SAMD12: variants seen among roughly 807,000 people sequenced by gnomAD.
The protein encoded by SAMD12 is sterile alpha motif domain containing 12.
In SAMD12, 9 loss-of-function variants were observed where a neutral mutation model predicts 15.0. That is an observed-to-expected ratio of 0.60 (90% CI 0.36 to 1.05). The LOEUF is 1.05. Among genes scored for constraint, SAMD12 ranks in the 50% least tolerant of loss-of-function variants. SAMD12 has a pLI of 0.01. For synonymous variants in SAMD12, 86 were observed against 90.1 expected, an observed-to-expected ratio of 0.96 and a Z score of 0.25; for missense variants, 230 against 234.2, an observed-to-expected ratio of 0.98 and a Z score of 0.12.
intron 2 of SAMD12, among the ~76,000 whole-genome samples, chr8:118,457,220 CTCTTT>C (rs976023421): frequency 9.3e-6 from 1 of 107,546 alleles, no homozygotes; most frequent in Non-Finnish European, 2.2e-5. Flanking sequence ...CTCTCTCTCT[CTCTTT>C]TTTTTTTTTT....
At chr8:118,459,587 A>G (rs1823356404) in intron 2 of SAMD12, among the ~76,000 whole-genome samples, 2 of 152,204 alleles carry the variant, frequency 1.3e-5, no homozygotes, top group Non-Finnish European at 2.9e-5. Flanking sequence ...ACTTAAAACA[A>G]GCAATTACTA....
chr8:118,374,750 G>A (rs1021835291), downstream of SAMD12, among the ~76,000 whole-genome samples: 8 of 152,066 alleles, frequency 5.3e-5, no homozygotes, highest in African/African-American at 1.7e-4. Flanking sequence ...CACTTCATAC[G>A]CCTATTGGCC....
At chr8:118,396,532 T>C (rs1820578132) in intron 3 of SAMD12, among the ~76,000 whole-genome samples, 1 of 152,184 alleles carries the variant, frequency 6.6e-6, no homozygotes. Flanking sequence ...TTGGTAGATA[T>C]TCATTAAAGT....
intron 2 of SAMD12, among the ~76,000 whole-genome samples, chr8:118,535,555 A>G (rs1825815894): frequency 6.6e-6 from 1 of 152,214 alleles, no homozygotes; most frequent in African/African-American, 2.4e-5. Context: ...GGTGGAGTCT[A>G]CAGAGGCAGG....
chr8:118,328,435 TC>T lies in SAMD12; in HGVS notation c.433+51124del, dbSNP rs1338416692. Among the ~76,000 whole-genome samples, 12 of 152,226 alleles carry T rather than the reference TC, an allele frequency of 7.9e-5. No individual in the cohort carries two copies. In the South Asian group the frequency reaches 2.5e-3, roughly 32 times the overall value. ...CTTTCCATAACCCGGTAATCTAGGT[TC>T]CCCCCTTATGTACAATTATAAAGCA... On this transcript the variant is annotated intron_variant, in intron 4 of 4. Coordinates refer to the SAMD12 transcript ENST00000409003.
At chr8:118,585,295 T>C (rs1304799859) in intron 1 of SAMD12, among the ~76,000 whole-genome samples, 2 of 152,004 alleles carry the variant, frequency 1.3e-5, no homozygotes, top group East Asian at 3.8e-4. Context: ...GGAGAGAAAA[T>C]GGGAAGTTAT....
intron 2 of SAMD12, among the ~76,000 whole-genome samples, chr8:118,539,893 T>C (rs1174562696): frequency 2.0e-5 from 3 of 152,152 alleles, no homozygotes; most frequent in African/African-American, 7.2e-5. Context: ...CAGAATACTT[T>C]CTGGGTTTCT....
chr8:118,418,197 A>T (rs1470694083), intron 3 of SAMD12, among the ~76,000 whole-genome samples: 1 of 152,214 alleles, frequency 6.6e-6, no homozygotes, highest in African/African-American at 2.4e-5. Flanking sequence ...GAAGTTTCAA[A>T]GCATTATACT....
intron 1 of SAMD12, among the ~76,000 whole-genome samples, chr8:118,586,145 C>T (rs1233608492): frequency 6.6e-6 from 1 of 152,148 alleles, no homozygotes; most frequent in Non-Finnish European, 1.5e-5. Context: ...AAACTGCAAG[C>T]AGTGCCCTGA....
intron 3 of SAMD12, among the ~76,000 whole-genome samples, chr8:118,384,823 T>C (rs989773864): frequency 6.6e-6 from 1 of 152,186 alleles, no homozygotes; most frequent in African/African-American, 2.4e-5. Flanking sequence ...AGCTCTGAGT[T>C]GTCTGGGGGT....
At chr8:118,581,233 C>A (rs1827289329) in intron 1 of SAMD12, among the ~76,000 whole-genome samples, 1 of 152,146 alleles carries the variant, frequency 6.6e-6, no homozygotes, top group Non-Finnish European at 1.5e-5. Context: ...TTATTTCAAC[C>A]CTGCAGTTTA....
At chr8:118,295,633 C>A in intron 4 of SAMD12, 1 of 150,720 alleles carries the variant, frequency 6.6e-6, no homozygotes, top group East Asian at 2.0e-4. Flanking sequence ...AATGATAACC[C>A]CAGCTGTCAC....
At chr8:118,358,925 T>C (rs1818358008) in intron 4 of SAMD12, among the ~76,000 whole-genome samples, 1 of 152,118 alleles carries the variant, frequency 6.6e-6, no homozygotes, top group Admixed American at 6.5e-5. Context: ...AGACCATTTA[T>C]AGATATAAAA....
chr8:118,319,076 C>A (rs1816094513), intron 4 of SAMD12, among the ~76,000 whole-genome samples: 1 of 152,100 alleles, frequency 6.6e-6, no homozygotes, highest in Non-Finnish European at 1.5e-5. Flanking sequence ...CACACCTCAG[C>A]CATAAAGCTG....
intron 2 of SAMD12, among the ~76,000 whole-genome samples, chr8:118,488,792 T>C (rs747189784): frequency 6.6e-6 from 1 of 152,222 alleles, no homozygotes; most frequent in Non-Finnish European, 1.5e-5. Context: ...AGTTTGTAGG[T>C]ATTTTGAGTA....
intron 3 of SAMD12, among the ~76,000 whole-genome samples, chr8:118,427,609 A>G (rs1287347709): frequency 9.8e-6 from 1 of 101,918 alleles, no homozygotes; most frequent in Non-Finnish European, 2.6e-5. Context: ...ATTCACTCAC[A>G]TTGTGTGCAC....
intron 1 of SAMD12, among the ~76,000 whole-genome samples, chr8:118,593,404 G>A (rs1827636320): frequency 6.6e-6 from 1 of 152,104 alleles, no homozygotes; most frequent in Non-Finnish European, 1.5e-5. Flanking sequence ...GCCATCAGAG[G>A]TGGTATTACT....
chr8:118,139,759 C>A, the SAMD12 span, among the ~76,000 whole-genome samples: 1 of 152,182 alleles, frequency 6.6e-6, no homozygotes, highest in Non-Finnish European at 1.5e-5. Context: ...CTTGCTCACA[C>A]CCTGTGGCTG....
At chr8:118,485,172 C>T (rs138624400) in intron 2 of SAMD12, among the ~76,000 whole-genome samples, 408 of 152,084 alleles carry the variant, frequency 2.7e-3, no homozygotes, top group African/African-American at 9.1e-3. Context: ...CACTAATATT[C>T]TGTTAGTAAA....
Sources: gnomAD v4.1 joint callset for allele counts (sites outside exome capture counted in the v4.1 genomes callset) on GRCh38, gnomAD v4.1.1 for gene constraint, MANE v1.5 for transcripts, NCBI Gene and HGNC (gene_info 2026-07-23, HGNC 2026-07-21) for gene names.